The following PLET1 variants were observed in gnomAD, a reference collection of about 807,000 sequenced individuals.
The protein encoded by PLET1 is placenta-expressed transcript 1 protein.
PLET1 carries 20 observed loss-of-function variants against 18.5 expected under a neutral mutation model. The ratio of observed to expected loss-of-function variants is 1.08; its 90% CI spans 0.76 to 1.57. The LOEUF is 1.57. PLET1 is among the 40% of genes most tolerant of loss of function. The probability of loss-of-function intolerance (pLI) is 0.00; values close to 1 mark genes in which losing one functional copy is unlikely to be tolerated. For missense variants in PLET1, 256 were observed against 246.4 expected (o/e 1.04, Z -0.26); for synonymous variants, 93 against 93.8 (o/e 0.99, Z 0.05).
chr11:112,249,618 C>A (rs552491913), intron 3 of PLET1, among the ~76,000 whole-genome samples: 26 of 152,252 alleles, frequency 1.7e-4, no homozygotes, highest in African/African-American at 6.3e-4. Flanking sequence ...CCTGGACAAA[C>A]TGGAGGTTGG....
rs1340737031 is a variant in PLET1, at chr11:112,252,070, T to C, written c.448+278A>G. 3.9e-5 allele frequency among the ~76,000 whole-genome samples: 6 copies of C among 152,274 alleles called. No homozygotes were observed. The South Asian group carries it at 1.2e-3, about 32-fold the overall frequency. On this transcript the variant is annotated intron_variant, in intron 3 of 3. Transcript: ENST00000338832. ...CTATGTGGTATTGAACAGAAACAGC[T>C]CCTATGGAAGCGGCATTTGGAGCCA...
At chr11:112,254,434 G>A (rs1860191214) in intron 2 of PLET1, among the ~76,000 whole-genome samples, 2 of 147,926 alleles carry the variant, frequency 1.4e-5, no homozygotes, top group East Asian at 2.0e-4. Flanking sequence ...ACGTGTGTGT[G>A]GTATGTACGT....
rs117828489 is a variant in PLET1, at chr11:112,248,170, G to C, written c.*629C>G. 1.3e-5 allele frequency among the ~76,000 whole-genome samples: 2 copies of C among 152,190 alleles called. No individual in the cohort carries two copies. Among genetic ancestry groups the C allele is most frequent in the East Asian group, 3.9e-4 (2 of 5,186 alleles). ...TGAATGGAACACATTCATTATTCTT[G>C]TTTAAAGTATAATTTATTTGTTGTG... On this transcript the variant is annotated 3_prime_UTR_variant, in exon 4 of 4. Coordinates refer to ENST00000338832, the MANE Select transcript of PLET1 (RefSeq NM_001145024.1).
chr11:112,253,921 C>T (rs1223239626), intron 2 of PLET1, among the ~76,000 whole-genome samples: 1 of 152,108 alleles, frequency 6.6e-6, no homozygotes, highest in Admixed American at 6.5e-5. Flanking sequence ...ACATGTGGTT[C>T]CTGAAGTAAA....
chr11:112,255,645 G>T, intron 1 of PLET1, 56 bp from the exon 2 acceptor site: 1 of 1,429,754 alleles, frequency 7.0e-7, no homozygotes, highest in Non-Finnish European at 9.6e-7. Context: ...AGCCAAGCTC[G>T]AGGGATGAGG....
rs148721959 is a variant in PLET1 at position 112,253,733 on chromosome 11, C to T, written c.387-1324G>A. Among the ~76,000 whole-genome samples the T allele has an allele frequency of 8.6e-3, 1,305 of 152,304 alleles. 9 individuals are homozygous for T. The highest frequency in any genetic ancestry group is 0.014 in the Non-Finnish European group (978 of 68,034). The stretch of plus-strand genomic sequence containing the variant: ...CTCTGTGGGCACAATAGTCCCTCCT[C>T]CAAAGCCAATTAGGTCCAACCAGGC... On this transcript the variant is annotated intron_variant, in intron 2 of 3. Coordinates refer to ENST00000338832, the MANE Select transcript of PLET1 (RefSeq NM_001145024.1).
chr11:112,248,597 A>G lies in PLET1; in HGVS notation c.*202T>C. ...CAAAAAGTGTAATATGTGTCCTGAA[A>G]GATCCAGATGAACATCTATGTGACC... is the stretch of plus-strand genomic sequence containing the variant. On this transcript the variant is annotated 3_prime_UTR_variant, in exon 4 of 4. Coordinates refer to ENST00000338832, the MANE Select transcript of PLET1 (RefSeq NM_001145024.1). 5.0e-6 allele frequency: 3 copies of G among 601,252 alleles called. No individual in the cohort carries two copies. In the South Asian group the frequency reaches 6.4e-5, roughly 13 times the overall value. The allele number at this position is 601,252 out of a possible 1,614,324, so 37.2% of individuals were successfully genotyped here. A position where few individuals can be genotyped will look rare whatever the true frequency, so the allele number is the denominator to read the frequency against.
In PLET1 at chr11:112,248,345, T is replaced by TTGAGTCACA. The variant is rs1472813155; in HGVS notation, c.*445_*453dup. 2.7e-6 allele frequency: 1 copy of TTGAGTCACA among 372,592 alleles called. No individual in the cohort carries two copies. Among genetic ancestry groups the TTGAGTCACA allele is most frequent in the African/African-American group, 2.1e-5 (1 of 48,106 alleles). The allele number at this position is 372,592 out of a possible 1,614,324, so 23.1% of individuals were successfully genotyped here. On this transcript the variant is annotated 3_prime_UTR_variant, in exon 4 of 4. Transcript: ENST00000338832. ...CTATTTCTCCTTTCTCCTTTCTTTC[T>TTGAGTCACA]TGAGTCACATGAGTCACAGAAGTTC...
chr11:112,248,811 T>C lies in PLET1; in HGVS notation c.612A>G (p.Thr204=). 1 of 1,551,414 alleles carries C rather than the reference T, an allele frequency of 6.4e-7. No individual in the cohort carries two copies. The highest frequency in any genetic ancestry group is 8.7e-7 in the Non-Finnish European group (1 of 1,146,934). ...CCCTGGCTTCCCTTTAGAAGAGAAG[T>C]GTGCTGGTGAGAAAAGCAAGCAGGA... ...IYILLAFLTS[T]LLF is the part of the protein sequence containing the mutation. The change falls in exon 4 of 4, where the codon ACA becomes ACG. Residue 204 remains threonine, a synonymous_variant. Transcript: ENST00000338832.
At chr11:112,254,578 GTA>G (rs1234496117) in intron 2 of PLET1, among the ~76,000 whole-genome samples, 22 of 132,874 alleles carry the variant, frequency 1.7e-4, no homozygotes, top group African/African-American at 6.1e-4. Flanking sequence ...CGTGTGGTAT[GTA>G]TGTGTGGCAT....
intron 2 of PLET1, among the ~76,000 whole-genome samples, chr11:112,255,066 GTGTGGTGTGTGTGGTA>G (rs1258582220): frequency 3.1e-3 from 48 of 15,562 alleles, no homozygotes; most frequent in Admixed American, 9.4e-3. Flanking sequence ...ATGTGTGTGT[GTGTGGTGTGTGTGGTA>G]TGTGTGGTGT....
intron 1 of PLET1, among the ~76,000 whole-genome samples, chr11:112,258,400 C>G (rs933809696): frequency 1.3e-5 from 2 of 151,454 alleles, no homozygotes; most frequent in Non-Finnish European, 2.9e-5. Flanking sequence ...CCTCCCACCT[C>G]AGCCTCCTGA....
chr11:112,252,236 A>G, intron 3 of PLET1, 112 bp downstream of exon 3: 1 of 922,158 alleles, frequency 1.1e-6, no homozygotes, highest in South Asian at 1.4e-5. Flanking sequence ...ACTGATAGAT[A>G]GCTGAGTGAT....
intron 1 of PLET1, among the ~76,000 whole-genome samples, chr11:112,258,281 C>CTTTTT (rs35254168): frequency 1.1e-4 from 11 of 97,682 alleles, no homozygotes; most frequent in Non-Finnish European, 1.7e-4. Context: ...TTCTTTCTTT[C>CTTTTT]TTTTTTTTTT....
chr11:112,248,722 C>G lies in PLET1; in HGVS notation c.*77G>C, dbSNP rs969245644. ...TGTAAAGCCTTCATTTACACACATT[C>G]GGTTCCCAGCACTAGCTTGGAACTG... On this transcript the variant is annotated 3_prime_UTR_variant, in exon 4 of 4. Transcript: ENST00000338832. 2.1e-6 allele frequency: 3 copies of G among 1,451,840 alleles called. No individual in the cohort carries two copies. The highest frequency in any genetic ancestry group is 4.3e-5 in the Admixed American group (2 of 46,374). The allele number at this position is 1,451,840 out of a possible 1,614,324, so 89.9% of individuals were successfully genotyped here.
In PLET1 at chr11:112,250,154, C is replaced by A. The variant is rs574489242; in HGVS notation, c.449-1180G>T. On this transcript the variant is annotated intron_variant, in intron 3 of 3. Transcript: ENST00000338832. The stretch of plus-strand genomic sequence containing the variant: ...CAGACAGTTGGAATGCAACTACTTT[C>A]TTTTTCTTTTTTTTTTAACTGGATT... Among the ~76,000 whole-genome samples, 3 of 112,780 alleles carry A rather than the reference C, an allele frequency of 2.7e-5. No individual in the cohort carries two copies. The South Asian group carries it at 8.7e-4, about 33-fold the overall frequency. 74.0% of individuals were successfully genotyped at this position (112,780 alleles called of 152,430 possible).
intron 1 of PLET1, among the ~76,000 whole-genome samples, chr11:112,256,846 A>G (rs1361510414): frequency 6.6e-6 from 1 of 152,244 alleles, no homozygotes; most frequent in Non-Finnish European, 1.5e-5. Flanking sequence ...TCATGCAGAT[A>G]GTCGTCAGTG....
intron 2 of PLET1, among the ~76,000 whole-genome samples, chr11:112,253,687 T>C (rs78315937): frequency 0.065 from 9,917 of 152,278 alleles, 903 homozygotes; most frequent in African/African-American, 0.21. Context: ...TAGCTCCCAT[T>C]GGGTTCTACT....
rs1385842240 is a variant in PLET1, at chr11:112,260,765, C to T, written c.-176G>A. 6.8e-6 allele frequency: 4 copies of T among 587,928 alleles called. No individual in the cohort carries two copies. Among genetic ancestry groups the T allele is most frequent in the Admixed American group, 3.3e-5 (1 of 30,608 alleles). 36.4% of individuals were successfully genotyped at this position (587,928 alleles called of 1,614,324 possible). ...CCAAGACATCACCAGGAATGAATCACCAGTCACCATTACCTGTCACCGATG... is the reference window on the plus strand; with the variant it reads ...CCAAGACATCACCAGGAATGAATCATCAGTCACCATTACCTGTCACCGATG... On this transcript the variant is annotated 5_prime_UTR_variant, in exon 1 of 4. In the 5' UTR this introduces an upstream ATG that the reference lacks. Coordinates refer to ENST00000338832, the MANE Select transcript of PLET1 (RefSeq NM_001145024.1).
Sources: allele counts gnomAD v4.1 joint callset (sites outside exome capture counted in the v4.1 genomes callset), GRCh38; gene constraint gnomAD v4.1.1; transcripts MANE v1.5; gene names NCBI Gene and HGNC (gene_info 2026-07-23, HGNC 2026-07-21).